PRMT8: variants seen among roughly 807,000 people sequenced by gnomAD.
PRMT8 encodes the protein protein arginine N-methyltransferase 8.
Under a neutral mutation model 47.1 loss-of-function variants are expected in PRMT8, and 7 were observed. The observed-to-expected ratio is 0.15, with a 90% CI of 0.08 to 0.28. The LOEUF (loss-of-function observed/expected upper bound fraction) is 0.28. Ranked by LOEUF, PRMT8 falls within the 10% of genes least tolerant of loss-of-function variation. The probability of loss-of-function intolerance (pLI) is 1.00; values close to 1 mark genes in which losing one functional copy is unlikely to be tolerated. For synonymous variants in PRMT8, 188 were observed against 186.5 expected (o/e 1.01, Z -0.07); for missense variants, 237 against 505.4 (o/e 0.47, Z 5.09).
intron 7 of PRMT8, among the ~76,000 whole-genome samples, chr12:3,581,174 G>C (rs1400089467): frequency 6.6e-6 from 1 of 152,198 alleles, no homozygotes; most frequent in Non-Finnish European, 1.5e-5. Context: ...ATAACTCTCA[G>C]TTTTGCAAGT....
chr12:3,533,536 G>A (rs1866068456), intron 1 of PRMT8, among the ~76,000 whole-genome samples: 1 of 152,210 alleles, frequency 6.6e-6, no homozygotes, highest in Non-Finnish European at 1.5e-5. Flanking sequence ...TGTGGCCCAG[G>A]GAAGCCTGGA....
At chr12:3,542,479 C>G (rs1372725637) in intron 2 of PRMT8, among the ~76,000 whole-genome samples, 1 of 152,226 alleles carries the variant, frequency 6.6e-6, no homozygotes, top group African/African-American at 2.4e-5. Context: ...GCGAAGGCCC[C>G]TTCCTCAAGA....
chr12:3,534,373 G>C (rs1035125321), intron 1 of PRMT8, among the ~76,000 whole-genome samples: 4 of 152,192 alleles, frequency 2.6e-5, no homozygotes, highest in East Asian at 1.9e-4. Flanking sequence ...GAGAGTGCTG[G>C]CTTCCCTCTC....
intron 8 of PRMT8, among the ~76,000 whole-genome samples, chr12:3,587,991 G>C (rs573244622): frequency 1.3e-5 from 2 of 152,206 alleles, no homozygotes; most frequent in Non-Finnish European, 2.9e-5. Context: ...TCAGTGGGGT[G>C]GGGGTAGAAG....
At chr12:3,497,279 T>C in intron 1 of PRMT8, among the ~76,000 whole-genome samples, 1 of 152,204 alleles carries the variant, frequency 6.6e-6, no homozygotes, top group East Asian at 1.9e-4. Flanking sequence ...AGAAGGGACC[T>C]CTGAAAGGTC....
chr12:3,440,045 G>A (rs918282833), intron 1 of PRMT8, among the ~76,000 whole-genome samples: 22 of 152,178 alleles, frequency 1.4e-4, no homozygotes, highest in East Asian at 3.8e-4. Context: ...TTCTCTGTGC[G>A]TCATCTTTCT....
intron 1 of PRMT8, among the ~76,000 whole-genome samples, chr12:3,534,420 C>T (rs2137157375): frequency 6.6e-6 from 1 of 152,188 alleles, no homozygotes; most frequent in South Asian, 2.1e-4. Flanking sequence ...AGATGTCCAG[C>T]ACCTTCACTC....
intron 1 of PRMT8, among the ~76,000 whole-genome samples, chr12:3,424,280 T>G (rs528416720): frequency 5.9e-5 from 9 of 152,308 alleles, no homozygotes; most frequent in Admixed American, 5.2e-4. Context: ...TGGTTATTAC[T>G]AGCTCTAAGG....
chr12:3,455,995 A>C (rs1483967283), intron 1 of PRMT8, among the ~76,000 whole-genome samples: 2 of 152,222 alleles, frequency 1.3e-5, no homozygotes, highest in Non-Finnish European at 2.9e-5. Context: ...GACATAGGGC[A>C]AGTCCCTTAA....
chr12:3,412,764 G>A (rs183872232), intron 1 of PRMT8, among the ~76,000 whole-genome samples: 395 of 152,262 alleles, frequency 2.6e-3, no homozygotes, highest in South Asian at 0.014. Flanking sequence ...AATTATGGAT[G>A]CGTTCCCTTA....
intron 1 of PRMT8, among the ~76,000 whole-genome samples, chr12:3,421,329 G>A (rs903745013): frequency 6.6e-6 from 1 of 152,182 alleles, no homozygotes; most frequent in Non-Finnish European, 1.5e-5. Context: ...CTTCCTCTGG[G>A]TTAGGCACAT....
intron 1 of PRMT8, among the ~76,000 whole-genome samples, chr12:3,519,359 G>A (rs1169395808): frequency 1.3e-5 from 2 of 152,230 alleles, no homozygotes; most frequent in Non-Finnish European, 2.9e-5. Flanking sequence ...AAGAGGAAGT[G>A]AGAGGATGCG....
At chr12:3,567,497 T>A (rs566433532) in intron 4 of PRMT8, among the ~76,000 whole-genome samples, 1 of 152,182 alleles carries the variant, frequency 6.6e-6, no homozygotes, top group African/African-American at 2.4e-5. Context: ...TTCTTTGAGT[T>A]TGAATTGTCA....
At chr12:3,489,135 T>A (rs1450539933), upstream of PRMT8, among the ~76,000 whole-genome samples, 3 of 152,192 alleles carry the variant, frequency 2.0e-5, no homozygotes, top group East Asian at 3.9e-4. Context: ...TAGCTCTCCA[T>A]CTCAGCCTCT....
At chr12:3,382,651 C>A (rs1160603508) in intron 1 of PRMT8, among the ~76,000 whole-genome samples, 2 of 152,022 alleles carry the variant, frequency 1.3e-5, no homozygotes, top group African/African-American at 2.4e-5. Flanking sequence ...AATATTTTCT[C>A]CTTGTTTGTG....
chr12:3,464,384 G>C (rs1302779511), intron 1 of PRMT8, among the ~76,000 whole-genome samples: 1 of 151,902 alleles, frequency 6.6e-6, no homozygotes, highest in Non-Finnish European at 1.5e-5. Context: ...AAATAAAGCA[G>C]TGTCACACTT....
At chr12:3,438,159 G>C (rs902850520) in intron 1 of PRMT8, among the ~76,000 whole-genome samples, 86 of 152,288 alleles carry the variant, frequency 5.6e-4, no homozygotes, top group African/African-American at 2.0e-3. Context: ...CAGCGCACCT[G>C]TGAGGCATCT....
chr12:3,412,162 C>T (rs972163757), intron 1 of PRMT8, among the ~76,000 whole-genome samples: 5 of 152,188 alleles, frequency 3.3e-5, no homozygotes, highest in African/African-American at 1.2e-4. Flanking sequence ...CAAACCTCTA[C>T]AGCATGTTAC....
At chr12:3,439,341 C>G (rs560772172) in intron 1 of PRMT8, among the ~76,000 whole-genome samples, 1 of 152,254 alleles carries the variant, frequency 6.6e-6, no homozygotes, top group South Asian at 2.1e-4. Context: ...CTTTCTCTCC[C>G]TGTCTCTCCT....
Sources: gnomAD v4.1 joint callset for allele counts (sites outside exome capture counted in the v4.1 genomes callset) on GRCh38, gnomAD v4.1.1 for gene constraint, MANE v1.5 for transcripts, NCBI Gene and HGNC (gene_info 2026-07-23, HGNC 2026-07-21) for gene names.